Variants in PAGR1 observed in about 807,000 individuals in gnomAD.
The protein encoded by PAGR1 is PAXIP1 associated glutamate rich protein 1.
PAGR1 carries 20 observed loss-of-function variants against 22.4 expected under a neutral mutation model. The ratio of observed to expected loss-of-function variants is 0.89; its 90% CI spans 0.63 to 1.30. The LOEUF (loss-of-function observed/expected upper bound fraction) is 1.30, where lower values mean the gene tolerates loss of function less well. PAGR1 is among the 50% of genes most tolerant of loss of function. The probability of loss-of-function intolerance (pLI) is 0.00; values close to 1 mark genes in which losing one functional copy is unlikely to be tolerated. For missense variants in PAGR1, 338 were observed against 343.6 expected (o/e 0.98, Z 0.13); for synonymous variants, 161 against 148.3 (o/e 1.09, Z -0.62).
At chr16:29,819,419 G>A in intron 2 of PAGR1, 136 bp from the exon 3 acceptor site, 1 of 839,284 alleles carries the variant, frequency 1.2e-6, no homozygotes, top group Non-Finnish European at 1.9e-6. Flanking sequence ...GTCCAACCCT[G>A]AACCTCAGGT....
intron 2 of PAGR1, chr16:29,817,956 C>T (rs1900284314): frequency 6.6e-6 from 1 of 152,038 alleles, no homozygotes. Flanking sequence ...GAGACTCCGT[C>T]TCAAAAAACA....
chr16:29,821,781 A>G lies in PAGR1; in HGVS notation c.*2027A>G, dbSNP rs909236643. 4.6e-5 allele frequency among the ~76,000 whole-genome samples: 7 copies of G among 152,226 alleles called. No homozygotes were observed. The highest frequency in any genetic ancestry group is 8.8e-5 in the Non-Finnish European group (6 of 68,036). On this transcript the variant is annotated 3_prime_UTR_variant, in exon 3 of 3. Transcript: ENST00000320330. ...CATGAGTTAATTGAGGGCACTTAAC[A>G]CTACCTGGCACAGATTAAGCTCATC... is the stretch of plus-strand genomic sequence containing the variant.
rs907225413 is a variant in PAGR1 at position 29,819,943 on chromosome 16, A to AGT, written c.*202_*203dup. The AGT allele has an allele frequency of 7.8e-5, 49 of 625,728 alleles. No individual in the cohort carries two copies. The highest frequency in any genetic ancestry group is 4.9e-4 in the South Asian group (23 of 47,300). The allele number at this position is 625,728 out of a possible 1,614,324, so 38.8% of individuals were successfully genotyped here. ...TGTTTTTTCTATTGAACACCTGTAG[A>AGT]GTGTGTGTGTGTGTTTTCTATTGAA... On this transcript the variant is annotated 3_prime_UTR_variant, in exon 3 of 3. Transcript: ENST00000320330.
Position 29,821,953 on chromosome 16 carries a change from C to T in PAGR1, c.*2199C>T, listed in dbSNP as rs1022727597. 1.7e-4 allele frequency among the ~76,000 whole-genome samples: 26 copies of T among 152,216 alleles called. No homozygotes were observed. The highest frequency in any genetic ancestry group is 5.8e-4 in the African/African-American group (24 of 41,544). ...AAGAATTCCAGCCTAGGGCTGGATG[C>T]GGTGGCTCAGGCCTGTAATCCCAGT... On this transcript the variant is annotated 3_prime_UTR_variant, in exon 3 of 3. Transcript: ENST00000320330.
rs780693517 is a variant in PAGR1 at position 29,816,662 on chromosome 16, CCGAGGA to C, written c.143_148del (p.Asp48_Glu49del). The C allele has an allele frequency of 6.3e-7, 1 of 1,582,804 alleles. No homozygotes were observed. The highest frequency in any genetic ancestry group is 2.3e-5 in the East Asian group (1 of 44,330). On this transcript the variant is annotated inframe_deletion, in exon 1 of 3. Coordinates refer to ENST00000320330, the MANE Select transcript of PAGR1 (RefSeq NM_024516.4). ...GGCCCCTCTGCCTCGGCCGGTAAGGCCGAGGACGAGGGGGAAGGAGGCCGAGAGGAG... is the reference window on the plus strand; with the variant it reads ...GGCCCCTCTGCCTCGGCCGGTAAGGCCGAGGGGGAAGGAGGCCGAGAGGAG...
In PAGR1 at chr16:29,819,765, T is replaced by C; in HGVS notation, c.*11T>C. 5.0e-6 allele frequency: 8 copies of C among 1,603,734 alleles called. No individual in the cohort carries two copies. The highest frequency in any genetic ancestry group is 6.0e-6 in the Non-Finnish European group (7 of 1,172,512). ...CAGCGGAAATACTGATTCCCACTGC[T>C]CCTGCCTCTAGGGTGCAGTGTCCGT... On this transcript the variant is annotated 3_prime_UTR_variant, in exon 3 of 3. Coordinates refer to ENST00000320330, the MANE Select transcript of PAGR1 (RefSeq NM_024516.4).
rs1384175516 is a variant in PAGR1 at position 29,816,564 on chromosome 16, T to C, written c.39T>C (p.Ser13=). 2 of 1,512,376 alleles carry C rather than the reference T, an allele frequency of 1.3e-6. No individual in the cohort carries two copies. Among genetic ancestry groups the C allele is most frequent in the African/African-American group, 1.4e-5 (1 of 71,526 alleles). 93.7% of individuals were successfully genotyped at this position (1,512,376 alleles called of 1,614,324 possible). A position where few individuals can be genotyped will look rare whatever the true frequency, so the allele number is the denominator to read the frequency against. The change falls in exon 1 of 3, where the codon AGT becomes AGC. Residue 13 remains serine, a synonymous_variant. Coordinates refer to ENST00000320330, the MANE Select transcript of PAGR1 (RefSeq NM_024516.4). ...LARGHGDTAA[S]TAAPLSEEGE... ...GGGGCCATGGAGACACTGCGGCCAG[T>C]ACGGCGGCGCCTCTGTCTGAAGAAG...
At position 29,822,087 on chromosome 16, in the gene PAGR1, GTTT is replaced by G. The variant is rs201002535; in HGVS notation, c.*2347_*2349del. On this transcript the variant is annotated 3_prime_UTR_variant, in exon 3 of 3. Coordinates refer to ENST00000320330, the MANE Select transcript of PAGR1 (RefSeq NM_024516.4). ...TTTGTGTGTGTGTGGTTGGGGTTTTGTTTTTTTTTTTTTTTTAAAGAATTATAG... is the reference window on the plus strand; with the variant it reads ...TTTGTGTGTGTGTGGTTGGGGTTTTGTTTTTTTTTTTTTAAAGAATTATAG... Among the ~76,000 whole-genome samples the G allele has an allele frequency of 1.4e-5, 2 of 138,466 alleles. No individual in the cohort carries two copies. Among genetic ancestry groups the G allele is most frequent in the Non-Finnish European group, 1.6e-5 (1 of 63,438 alleles). The allele number at this position is 138,466 out of a possible 152,430, so 90.8% of individuals were successfully genotyped here. A position where few individuals can be genotyped will look rare whatever the true frequency, so the allele number is the denominator to read the frequency against.
rs1900257244 is a variant in PAGR1, at chr16:29,816,768, G to A, written c.243G>A (p.Glu81=). Residue 81 remains glutamate, a synonymous_variant, in exon 1 of 3, where the codon GAG becomes GAA. Transcript: ENST00000320330. ...VPSAGGEEPA[E]EDSEDWCVPC... is the part of the protein sequence containing the mutation. Reference sequence around the variant, plus strand: ...GCGCTGGGGGAGAAGAGCCTGCCGAGGAGGACTCCGAGGACTGGTGCGTGC... The same window carrying A: ...GCGCTGGGGGAGAAGAGCCTGCCGAAGAGGACTCCGAGGACTGGTGCGTGC... 6.3e-7 allele frequency: 1 copy of A among 1,586,626 alleles called. No homozygotes were observed. The highest frequency in any genetic ancestry group is 2.3e-5 in the East Asian group (1 of 43,550).
rs531575186 is a variant in PAGR1, at chr16:29,819,480, G to A, written c.566-75G>A. The A allele has an allele frequency of 1.7e-5, 25 of 1,492,942 alleles. No individual in the cohort carries two copies. The African/African-American group carries it at 2.8e-4, about 16-fold the overall frequency. 92.5% of individuals were successfully genotyped at this position (1,492,942 alleles called of 1,614,324 possible). A position where few individuals can be genotyped will look rare whatever the true frequency, so the allele number is the denominator to read the frequency against. On this transcript the variant is annotated intron_variant, in intron 2 of 2. Coordinates refer to ENST00000320330, the MANE Select transcript of PAGR1 (RefSeq NM_024516.4). ...TGCATGTTTAACCAGCTCCCCAAGT[G>A]ATGAGTGAGGTCCAGGCAGGTATGG...
In PAGR1 at chr16:29,822,384, G is replaced by A. The variant is rs2067369537; in HGVS notation, c.*2630G>A. Among the ~76,000 whole-genome samples the A allele has an allele frequency of 6.6e-6, 1 of 151,974 alleles. No homozygotes were observed. Among genetic ancestry groups the A allele is most frequent in the Non-Finnish European group, 1.5e-5 (1 of 68,024 alleles). On this transcript the variant is annotated 3_prime_UTR_variant, in exon 3 of 3. Transcript: ENST00000320330. The stretch of plus-strand genomic sequence containing the variant: ...TTTCCATTAATCATCTCCTAAAGGG[G>A]GTAAACCAGGAAGCCGCTGGGTGAA...
At position 29,822,041 on chromosome 16, in the gene PAGR1, C is replaced by G. The variant is rs1396419782; in HGVS notation, c.*2287C>G. Among the ~76,000 whole-genome samples, 1 of 151,118 alleles carries G rather than the reference C, an allele frequency of 6.6e-6. No homozygotes were observed. Among genetic ancestry groups the G allele is most frequent in the African/African-American group, 2.4e-5 (1 of 41,142 alleles). On this transcript the variant is annotated 3_prime_UTR_variant, in exon 3 of 3. Coordinates refer to ENST00000320330, the MANE Select transcript of PAGR1 (RefSeq NM_024516.4). Reference sequence around the variant, plus strand: ...AGGAGTTCCAGACCAGCCTGAGCAACATAGCGAGACCCTGTCTCTGTTTGT... The same window carrying G: ...AGGAGTTCCAGACCAGCCTGAGCAAGATAGCGAGACCCTGTCTCTGTTTGT...
Position 29,816,385 on chromosome 16 carries a change from C to A in PAGR1, c.-141C>A. ...GGGACTGAGCGCCCCCTCCCGGGGA[C>A]GGGCGGTCTGGCCGCGGAGTCCCCT... On this transcript the variant is annotated 5_prime_UTR_variant, in exon 1 of 3. Transcript: ENST00000320330. 1.1e-6 allele frequency: 1 copy of A among 873,294 alleles called. No individual in the cohort carries two copies. Among genetic ancestry groups the A allele is most frequent in the Non-Finnish European group, 1.6e-6 (1 of 639,134 alleles). The allele number at this position is 873,294 out of a possible 1,614,324, so 54.1% of individuals were successfully genotyped here. A position where few individuals can be genotyped will look rare whatever the true frequency, so the allele number is the denominator to read the frequency against.
intron 2 of PAGR1, 116 bp downstream of exon 2, chr16:29,817,408 C>T: frequency 2.3e-6 from 2 of 887,454 alleles, no homozygotes. Context: ...CTTACAGCTG[C>T]AGGAGAGAGT....
rs1900250545 is a variant in PAGR1 at position 29,816,523 on chromosome 16, C to CCT, written c.-2_-1dup. 6.6e-7 allele frequency: 1 copy of CCT among 1,504,662 alleles called. No homozygotes were observed. Among genetic ancestry groups the CCT allele is most frequent in the African/African-American group, 1.4e-5 (1 of 71,406 alleles). 93.2% of individuals were successfully genotyped at this position (1,504,662 alleles called of 1,614,324 possible). ...CGTCGCAGGGTCCCTGCCCTAGTGG[C>CCT]CTATGTCCCTTGCTCGGGGCCATGG... is the stretch of plus-strand genomic sequence containing the variant. On this transcript the variant is annotated 5_prime_UTR_variant, in exon 1 of 3. Transcript: ENST00000320330.
chr16:29,816,406 C>G lies in PAGR1; in HGVS notation c.-120C>G, dbSNP rs74017632. ...GGGACGGGCGGTCTGGCCGCGGAGT[C>G]CCCTGCGGGAGCGTGATTGGCTGGA... is the stretch of plus-strand genomic sequence containing the variant. On this transcript the variant is annotated 5_prime_UTR_variant, in exon 1 of 3. Transcript: ENST00000320330. The G allele has an allele frequency of 6.5e-6, 7 of 1,078,074 alleles. No homozygotes were observed. The highest frequency in any genetic ancestry group is 1.6e-5 in the African/African-American group (1 of 61,642). The allele number at this position is 1,078,074 out of a possible 1,614,324, so 66.8% of individuals were successfully genotyped here. A position where few individuals can be genotyped will look rare whatever the true frequency, so the allele number is the denominator to read the frequency against.
Position 29,816,279 on chromosome 16 carries a change from C to G in PAGR1, c.-247C>G. ...TGGCCCGTCCCTCTCCTCCCCCTTT[C>G]CCTCTTTCGGAAAGTGGTTTCTGCG... On this transcript the variant is annotated 5_prime_UTR_variant, in exon 1 of 3. Transcript: ENST00000320330. 4 of 415,468 alleles carry G rather than the reference C, an allele frequency of 9.6e-6. No homozygotes were observed. Among genetic ancestry groups the G allele is most frequent in the Non-Finnish European group, 1.7e-5 (4 of 235,646 alleles). 25.7% of individuals were successfully genotyped at this position (415,468 alleles called of 1,614,324 possible).
At position 29,816,179 on chromosome 16, in the gene PAGR1, G is replaced by C. The variant is rs747826778; in HGVS notation, c.-347G>C. 1 of 360,352 alleles carries C rather than the reference G, an allele frequency of 2.8e-6. No homozygotes were observed. The highest frequency in any genetic ancestry group is 5.0e-6 in the Non-Finnish European group (1 of 201,598). 22.3% of individuals were successfully genotyped at this position (360,352 alleles called of 1,614,324 possible). On this transcript the variant is annotated 5_prime_UTR_variant, in exon 1 of 3. Transcript: ENST00000320330. ...GTGCGTACGGCATCTGACTTGACGT[G>C]GCCCACAACTGAAAGGTCTGGGGAG...
rs2067368671 is a variant in PAGR1, at chr16:29,822,318, C to CT, written c.*2567dup. Among the ~76,000 whole-genome samples the CT allele has an allele frequency of 7.1e-6, 1 of 140,004 alleles. No homozygotes were observed. The highest frequency in any genetic ancestry group is 1.5e-5 in the Non-Finnish European group (1 of 67,094). The allele number at this position is 140,004 out of a possible 152,430, so 91.8% of individuals were successfully genotyped here. On this transcript the variant is annotated 3_prime_UTR_variant, in exon 3 of 3. Transcript: ENST00000320330. ...TCGAAAAGTTCCTAAAACTGTGCTG[C>CT]TTTAAAAAAAAAAAAAGTAATTTAT... is the stretch of plus-strand genomic sequence containing the variant.
Sources: gnomAD v4.1 joint callset for allele counts (sites outside exome capture counted in the v4.1 genomes callset) on GRCh38, gnomAD v4.1.1 for gene constraint, MANE v1.5 for transcripts, NCBI Gene and HGNC (gene_info 2026-07-23, HGNC 2026-07-21) for gene names.